Variants in YTHDC2 observed in about 807,000 individuals in gnomAD.
The protein encoded by YTHDC2 is 3'-5' RNA helicase YTHDC2.
YTHDC2 carries 45 observed loss-of-function variants against 174.9 expected under a neutral mutation model. The ratio of observed to expected loss-of-function variants is 0.26; its 90% CI spans 0.20 to 0.33. YTHDC2 has a LOEUF of 0.33. Among genes scored for constraint, YTHDC2 ranks in the 10% least tolerant of loss-of-function variants. The probability of loss-of-function intolerance (pLI) is 1.00; values close to 1 mark genes in which losing one functional copy is unlikely to be tolerated. For synonymous variants in YTHDC2, 657 were observed against 574.5 expected (o/e 1.14, Z -2.05); for missense variants, 1,650 against 1,723.7 (o/e 0.96, Z 0.76).
chr5:113,563,068 GAT>G (rs1491584705), intron 18 of YTHDC2, among the ~76,000 whole-genome samples: 1 of 88,372 alleles, frequency 1.1e-5, no homozygotes, highest in Non-Finnish European at 2.0e-5. Context: ...GGGGGGAAAA[GAT>G]TTTTTTTTTT....
intron 23 of YTHDC2, among the ~76,000 whole-genome samples, chr5:113,568,059 A>AT (rs1277657459): frequency 6.6e-6 from 1 of 152,068 alleles, no homozygotes; most frequent in Non-Finnish European, 1.5e-5. Context: ...TTATTTGTGC[A>AT]TTTTTTATTA....
At chr5:113,545,060 A>G (rs1351489073) in intron 10 of YTHDC2, among the ~76,000 whole-genome samples, 3 of 152,184 alleles carry the variant, frequency 2.0e-5, no homozygotes, top group Non-Finnish European at 4.4e-5. Flanking sequence ...TTTATCTTAA[A>G]GTTAGATTTG....
chr5:113,571,749 A>G (rs1192980377), intron 23 of YTHDC2, among the ~76,000 whole-genome samples: 2 of 152,134 alleles, frequency 1.3e-5, no homozygotes, highest in African/African-American at 4.8e-5. Context: ...TAGATTTTCT[A>G]GTTTATTTGC....
Position 113,526,781 on chromosome 5 carries a change from C to T in YTHDC2, c.671C>T (p.Thr224Ile). 7.5e-7 allele frequency: 1 copy of T among 1,340,718 alleles called. No homozygotes were observed. Among genetic ancestry groups the T allele is most frequent in the Non-Finnish European group, 9.7e-7 (1 of 1,034,308 alleles). 83.1% of individuals were successfully genotyped at this position (1,340,718 alleles called of 1,614,324 possible). Residue 224 changes from threonine to isoleucine, a missense_variant, in exon 4 of 30, where the codon ACA (threonine) becomes ATA (isoleucine). Transcript: ENST00000161863. Reference protein sequence around the residue: ...IVGETGSGKTTQIPQFLLDDC... With the variant: ...IVGETGSGKTIQIPQFLLDDC... The stretch of plus-strand genomic sequence containing the variant: ...GGAGAAACTGGGTCTGGAAAGACCA[C>T]ACAGGTTTGTTTCTTTTTTGTTGTT...
chr5:113,587,976 T>C (rs867412325), intron 26 of YTHDC2, among the ~76,000 whole-genome samples: 1 of 152,078 alleles, frequency 6.6e-6, no homozygotes, highest in African/African-American at 2.4e-5. Flanking sequence ...TATTACAATT[T>C]TTTGTTAAAT....
chr5:113,561,233 T>C, intron 18 of YTHDC2, 48 bp downstream of exon 18: 6 of 1,454,688 alleles, frequency 4.1e-6, no homozygotes, highest in Non-Finnish European at 4.7e-6. Flanking sequence ...GTGAGGGAAG[T>C]GAGGGGCCAT....
rs769403155 is a variant in YTHDC2, at chr5:113,535,770, A to G, written c.1074A>G (p.Arg358=). Residue 358 remains arginine (R), a synonymous_variant, in exon 7 of 30, where the codon AGA becomes AGG. Transcript: ENST00000161863. ...SAALDVNLFI[R]YFGSCPVIYI... The stretch of plus-strand genomic sequence containing the variant: ...CCTTGGATGTAAATCTCTTTATAAG[A>G]TATTTTGGAAGTTGTCCAGTGATAT... 4 of 1,610,912 alleles carry G rather than the reference A, an allele frequency of 2.5e-6. No individual in the cohort carries two copies. Among genetic ancestry groups the G allele is most frequent in the African/African-American group, 1.3e-5 (1 of 74,878 alleles).
At chr5:113,561,354 A>C (rs1011821558) in intron 18 of YTHDC2, among the ~76,000 whole-genome samples, 169 bp downstream of exon 18, 10 of 152,060 alleles carry the variant, frequency 6.6e-5, no homozygotes, top group African/African-American at 2.4e-4. Context: ...CTATATAAGA[A>C]AATTTAATTC....
chr5:113,587,824 G>A (rs1382045328), intron 26 of YTHDC2, among the ~76,000 whole-genome samples: 1 of 151,460 alleles, frequency 6.6e-6, no homozygotes, highest in East Asian at 1.9e-4. Context: ...GAGTGGAATT[G>A]CATTGAATCT....
intron 12 of YTHDC2, among the ~76,000 whole-genome samples, chr5:113,550,914 A>C (rs964154527): frequency 2.6e-5 from 4 of 152,060 alleles, no homozygotes; most frequent in African/African-American, 7.2e-5. Flanking sequence ...ATTTAAAGAA[A>C]ATTTTGAATA....
At chr5:113,558,695 G>A (rs985759559) in intron 17 of YTHDC2, among the ~76,000 whole-genome samples, 12 of 151,946 alleles carry the variant, frequency 7.9e-5, no homozygotes, top group Admixed American at 5.2e-4. Context: ...AGGCTGAGGC[G>A]GGCAGATCAC....
chr5:113,554,100 T>G lies in YTHDC2; in HGVS notation c.2133+78T>G, dbSNP rs1314435379. On this transcript the variant is annotated intron_variant, in intron 16 of 29. Coordinates refer to ENST00000161863, the MANE Select transcript of YTHDC2 (RefSeq NM_022828.5). Reference sequence around the variant, plus strand: ...TTCAACAAATACTTTTATTTATTATTTAGTTGTTTTTCTTTTAATTTTACC... The same window carrying G: ...TTCAACAAATACTTTTATTTATTATGTAGTTGTTTTTCTTTTAATTTTACC... The G allele has an allele frequency of 1.1e-5, 14 of 1,254,954 alleles. No homozygotes were observed. In the Middle Eastern group the frequency reaches 1.2e-3, roughly 103 times the overall value. 77.7% of individuals were successfully genotyped at this position (1,254,954 alleles called of 1,614,324 possible).
intron 25 of YTHDC2, chr5:113,583,460 C>T (rs1398288607): frequency 6.6e-6 from 1 of 151,952 alleles, no homozygotes; most frequent in South Asian, 2.1e-4. Context: ...TATTTCTATA[C>T]CCTATGTATC....
intron 28 of YTHDC2, chr5:113,593,100 A>T: frequency 2.6e-6 from 1 of 381,870 alleles, no homozygotes; most frequent in South Asian, 6.4e-5. Context: ...TTGCAGATTA[A>T]CTGTAATCTT....
rs377506646 is a variant in YTHDC2 at position 113,591,067 on chromosome 5, A to G, written c.3852A>G (p.Pro1284=). 1.9e-6 allele frequency: 3 copies of G among 1,613,910 alleles called. No homozygotes were observed. The highest frequency in any genetic ancestry group is 2.5e-6 in the Non-Finnish European group (3 of 1,179,888). ...GCTCAAAATCTCCTTCGCCAAGACC[A>G]AACATGCCTGTTCGATACTTCATAA... The part of the protein sequence containing the change: ...GKGSKSPSPR[P]NMPVRYFIMK... The change falls in exon 27 of 30, where the codon CCA becomes CCG. Residue 1284 remains proline (P), a synonymous_variant. Transcript: ENST00000161863.
intron 17 of YTHDC2, 176 bp downstream of exon 17, chr5:113,556,310 G>C (rs1004879774): frequency 2.0e-5 from 8 of 410,100 alleles, no homozygotes; most frequent in Non-Finnish European, 3.5e-5. Flanking sequence ...GTTGAATGTA[G>C]GTTATGTTAA....
chr5:113,571,869 T>A (rs1274549320), intron 23 of YTHDC2, among the ~76,000 whole-genome samples: 1 of 152,180 alleles, frequency 6.6e-6, no homozygotes, highest in Non-Finnish European at 1.5e-5. Flanking sequence ...TCTCTTTTCT[T>A]CTTTATTAAT....
chr5:113,567,726 A>C lies in YTHDC2; in HGVS notation c.3121A>C (p.Thr1041Pro). The change falls in exon 23 of 30, where the codon ACC becomes CCC. Residue 1041 changes from threonine to proline, a missense_variant. This residue lies in a region of YTHDC2 where 913 missense variants were observed against 940.4 expected (regional missense o/e 0.97). Coordinates refer to ENST00000161863, the MANE Select transcript of YTHDC2 (RefSeq NM_022828.5). ...AGATTGGCTTATTTATGATGAAATG[A>C]CCAGAGCCCATAGAATAGCTAATAT... ...PTDWLIYDEM[T>P]RAHRIANIRC... 2.5e-6 allele frequency: 4 copies of C among 1,611,976 alleles called. No homozygotes were observed. The highest frequency in any genetic ancestry group is 3.4e-6 in the Non-Finnish European group (4 of 1,179,036).
chr5:113,524,312 A>G (rs1580481358), intron 2 of YTHDC2, among the ~76,000 whole-genome samples: 1 of 152,300 alleles, frequency 6.6e-6, no homozygotes, highest in East Asian at 1.9e-4. Context: ...AAGTCATGAA[A>G]GATATGCTCA....
Sources: gnomAD v4.1 joint callset for allele counts (sites outside exome capture counted in the v4.1 genomes callset) on GRCh38, gnomAD v4.1.1 for gene constraint, gnomAD v4.1.1 regional missense constraint, MANE v1.5 for transcripts, NCBI Gene and HGNC (gene_info 2026-07-23, HGNC 2026-07-21) for gene names.